Variants in SPATA6 observed in about 807,000 individuals in gnomAD.
SPATA6 encodes spermatogenesis associated 6.
SPATA6 carries 56 observed loss-of-function variants against 65.3 expected under a neutral mutation model. That is an observed-to-expected ratio of 0.86 (90% CI 0.69 to 1.07). SPATA6 has a LOEUF of 1.07. Ranked by LOEUF, SPATA6 falls within the 50% of genes least tolerant of loss-of-function variation. The pLI is 0.00. For synonymous variants in SPATA6, 199 were observed against 213.2 expected (o/e 0.93, Z 0.58); for missense variants, 590 against 594.8 (o/e 0.99, Z 0.08).
chr1:48,419,460 T>A (rs977486529), intron 3 of SPATA6, among the ~76,000 whole-genome samples: 5 of 152,072 alleles, frequency 3.3e-5, no homozygotes, highest in African/African-American at 1.2e-4. Context: ...ATGCACAACA[T>A]GTTTATATAG....
At chr1:48,398,999 A>G (rs990565597) in intron 7 of SPATA6, 2 of 174,070 alleles carry the variant, frequency 1.1e-5, no homozygotes, top group African/African-American at 4.7e-5. Flanking sequence ...TTCATAAAGA[A>G]TATTTGGTTC....
intron 8 of SPATA6, among the ~76,000 whole-genome samples, 171 bp from the exon 9 acceptor site, chr1:48,385,520 A>G (rs1426808790): frequency 6.6e-6 from 1 of 152,206 alleles, no homozygotes; most frequent in East Asian, 1.9e-4. Context: ...TAAAATTTGT[A>G]TTAGTTCTTC....
At chr1:48,403,354 G>A (rs1306904244) in intron 6 of SPATA6, among the ~76,000 whole-genome samples, 1 of 152,124 alleles carries the variant, frequency 6.6e-6, no homozygotes, top group Non-Finnish European at 1.5e-5. Flanking sequence ...ATCAGAGACA[G>A]TCAAGAAACC....
At chr1:48,313,528 A>G (rs1645294616) in intron 11 of SPATA6, among the ~76,000 whole-genome samples, 1 of 152,202 alleles carries the variant, frequency 6.6e-6, no homozygotes, top group African/African-American at 2.4e-5. Flanking sequence ...CTGCCCTAAA[A>G]GAGCTCCTGA....
intron 11 of SPATA6, among the ~76,000 whole-genome samples, chr1:48,345,313 T>C (rs1414838524): frequency 6.6e-6 from 1 of 152,064 alleles, no homozygotes; most frequent in Non-Finnish European, 1.5e-5. Context: ...AGATACAACA[T>C]ATCAGAATCA....
intron 11 of SPATA6, among the ~76,000 whole-genome samples, chr1:48,324,020 G>A (rs1026638245): frequency 1.3e-5 from 2 of 152,148 alleles, no homozygotes; most frequent in Non-Finnish European, 2.9e-5. Context: ...TGTGATCACA[G>A]CTCACTGCAG....
chr1:48,268,689 G>A, the SPATA6 span, among the ~76,000 whole-genome samples: 3 of 152,040 alleles, frequency 2.0e-5, no homozygotes, highest in Non-Finnish European at 4.4e-5. Context: ...TTCTCTAACT[G>A]AACTCGTGTT....
At chr1:48,349,230 A>T (rs374901812) in intron 11 of SPATA6, among the ~76,000 whole-genome samples, 1 of 152,010 alleles carries the variant, frequency 6.6e-6, no homozygotes, top group African/African-American at 2.4e-5. Context: ...TTCTTGCTAC[A>T]ACCACACAGC....
At chr1:48,365,459 T>C (rs1646971371) in intron 9 of SPATA6, among the ~76,000 whole-genome samples, 2 of 152,184 alleles carry the variant, frequency 1.3e-5, no homozygotes, top group South Asian at 2.1e-4. Flanking sequence ...TTTGTTTGTA[T>C]CCTCTTTTAT....
intron 1 of SPATA6, among the ~76,000 whole-genome samples, chr1:48,465,040 A>G (rs1369354382): frequency 6.6e-6 from 1 of 152,212 alleles, no homozygotes; most frequent in African/African-American, 2.4e-5. Context: ...GAGCAAAAAC[A>G]AAGTAAAATA....
In SPATA6 at chr1:48,452,954, T is replaced by C. The variant is rs548859452; in HGVS notation, c.189+40A>G. 8 of 1,593,770 alleles carry C rather than the reference T, an allele frequency of 5.0e-6. No individual in the cohort carries two copies. The Admixed American group carries it at 9.1e-5, about 18-fold the overall frequency. On this transcript the variant is annotated intron_variant, in intron 2 of 12. Transcript: ENST00000371847. ...TATTCAAAAATTGGAACCACTTTGA[T>C]GTTTTGTTTGTTAATACTTGATCTG...
chr1:48,449,583 A>C (rs1656369124), intron 3 of SPATA6, among the ~76,000 whole-genome samples: 1 of 152,218 alleles, frequency 6.6e-6, no homozygotes, highest in African/African-American at 2.4e-5. Flanking sequence ...ACAAATCCAC[A>C]GTATTAAAAA....
At chr1:48,362,301 G>C (rs1646838816) in intron 9 of SPATA6, among the ~76,000 whole-genome samples, 1 of 151,980 alleles carries the variant, frequency 6.6e-6, no homozygotes, top group Non-Finnish European at 1.5e-5. Context: ...GTGGGAGAAG[G>C]TGTCACACTG....
intron 11 of SPATA6, among the ~76,000 whole-genome samples, chr1:48,353,035 T>C (rs1334217707): frequency 1.3e-5 from 2 of 151,524 alleles, no homozygotes; most frequent in African/African-American, 4.8e-5. Context: ...AAAAGAAGCA[T>C]TAAAGAGAGT....
intron 11 of SPATA6, chr1:48,325,618 G>C (rs1255926468): frequency 2.6e-6 from 2 of 765,258 alleles, no homozygotes; most frequent in East Asian, 5.3e-5. Context: ...GGGCAGTGTT[G>C]AACTATGTCA....
chr1:48,359,906 A>G (rs1646762971), intron 9 of SPATA6, 136 bp from the exon 10 acceptor site: 4 of 620,616 alleles, frequency 6.4e-6, no homozygotes, highest in Non-Finnish European at 7.5e-6. Context: ...GTAATAAAAC[A>G]TATGCCACAG....
chr1:48,460,755 T>C (rs754758440), intron 1 of SPATA6, among the ~76,000 whole-genome samples: 1 of 152,046 alleles, frequency 6.6e-6, no homozygotes, highest in Non-Finnish European at 1.5e-5. Context: ...GAATGAAAAT[T>C]GGCAGATATT....
intron 5 of SPATA6, among the ~76,000 whole-genome samples, chr1:48,406,402 T>G (rs1651708743): frequency 6.6e-6 from 1 of 152,226 alleles, no homozygotes; most frequent in African/African-American, 2.4e-5. Context: ...AAATACTTTT[T>G]AGAATAACAT....
At chr1:48,311,270 T>G (rs768031799) in intron 11 of SPATA6, among the ~76,000 whole-genome samples, 30 of 152,110 alleles carry the variant, frequency 2.0e-4, no homozygotes, top group Non-Finnish European at 4.0e-4. Context: ...AAAACCAAAG[T>G]TGCTTCTTTG....
Sources: allele counts gnomAD v4.1 joint callset (sites outside exome capture counted in the v4.1 genomes callset), GRCh38; gene constraint gnomAD v4.1.1; transcripts MANE v1.5; gene names NCBI Gene and HGNC (gene_info 2026-07-23, HGNC 2026-07-21).